Variants in TMEM59L observed in about 807,000 individuals in gnomAD.
The protein encoded by TMEM59L is transmembrane protein 59 like.
TMEM59L carries 31 observed loss-of-function variants against 39.6 expected under a neutral mutation model. The ratio of observed to expected loss-of-function variants is 0.78; its 90% confidence interval spans 0.59 to 1.06. The LOEUF (loss-of-function observed/expected upper bound fraction) is 1.06. TMEM59L is among the 50% of genes least tolerant of loss of function. The pLI is 0.00. For missense variants in TMEM59L, 441 were observed against 451.3 expected (o/e 0.98, Z 0.21); for synonymous variants, 219 against 202.9 (o/e 1.08, Z -0.68).
In TMEM59L at chr19:18,620,884, G is replaced by C. The variant is rs1976490754; in HGVS notation, c.*348G>C. On this transcript the variant is annotated 3_prime_UTR_variant, in exon 8 of 8. Transcript: ENST00000262817. The stretch of plus-strand genomic sequence containing the variant: ...CTGCGGGGGGGGCGCTGAGGCTGAG[G>C]GGGAGCTGCGTCTTGCTAGGGCTTC... 1.1e-5 allele frequency: 2 copies of C among 175,896 alleles called. No individual in the cohort carries two copies. The highest frequency in any genetic ancestry group is 2.4e-5 in the African/African-American group (1 of 42,464). 10.9% of individuals were successfully genotyped at this position (175,896 alleles called of 1,614,324 possible). A position where few individuals can be genotyped will look rare whatever the true frequency, so the allele number is the denominator to read the frequency against.
Position 18,617,327 on chromosome 19 carries a change from C to T in TMEM59L, c.664+225C>T, listed in dbSNP as rs1309769391. The T allele has an allele frequency of 6.2e-6, 4 of 645,946 alleles. No homozygotes were observed. The African/African-American group carries it at 7.2e-5, about 12-fold the overall frequency. The allele number at this position is 645,946 out of a possible 1,614,324, so 40.0% of individuals were successfully genotyped here. On this transcript the variant is annotated intron_variant, in intron 5 of 7. Transcript: ENST00000262817. ...GTTCCGTGGTCTACTTCCCAGGGTT[C>T]CGTGGTCCATCTCCCCGGGTTCCAT... is the stretch of plus-strand genomic sequence containing the variant.
intron 4 of TMEM59L, 126 bp from the exon 5 acceptor site, chr19:18,616,874 C>T: frequency 1.4e-6 from 1 of 715,428 alleles, no homozygotes; most frequent in Non-Finnish European, 2.4e-6. Context: ...GACATCAAGC[C>T]CACCCCTGAT....
chr19:18,613,513 C>T (rs1479861476), intron 1 of TMEM59L, among the ~76,000 whole-genome samples: 1 of 151,750 alleles, frequency 6.6e-6, no homozygotes. Context: ...TACCACCACT[C>T]CCCAGGATTC....
chr19:18,616,190 A>G, intron 4 of TMEM59L, 63 bp downstream of exon 4: 1 of 1,595,138 alleles, frequency 6.3e-7, no homozygotes, highest in South Asian at 1.1e-5. Flanking sequence ...AGAAGATGGG[A>G]TGCATTGGCT....
At position 18,612,899 on chromosome 19, in the gene TMEM59L, T is replaced by C; in HGVS notation, c.-60T>C. The C allele has an allele frequency of 8.0e-7, 1 of 1,246,822 alleles. No homozygotes were observed. The highest frequency in any genetic ancestry group is 3.3e-5 in the South Asian group (1 of 30,346). The allele number at this position is 1,246,822 out of a possible 1,614,324, so 77.2% of individuals were successfully genotyped here. On this transcript the variant is annotated 5_prime_UTR_variant, in exon 1 of 8. Transcript: ENST00000262817. The surrounding 1 kb of genome is among the most constrained non-coding windows in gnomAD (Gnocchi z 6.2). ...GCGCCCCGGTCCCCGCCGCAGCCGCTGCATCCTCCGTGCCCGGCCTGAGCT... is the reference window on the plus strand; with the variant it reads ...GCGCCCCGGTCCCCGCCGCAGCCGCCGCATCCTCCGTGCCCGGCCTGAGCT...
chr19:18,613,807 C>G, intron 1 of TMEM59L, 65 bp from the exon 2 acceptor site: 1 of 1,321,522 alleles, frequency 7.6e-7, no homozygotes, highest in Admixed American at 1.8e-5. Flanking sequence ...GCTGAATGCT[C>G]CGGTCCCCCC....
intron 1 of TMEM59L, among the ~76,000 whole-genome samples, 161 bp downstream of exon 1, chr19:18,613,290 G>C (rs908738950): frequency 8.5e-5 from 13 of 152,130 alleles, no homozygotes; most frequent in African/African-American, 3.1e-4. Flanking sequence ...AGTAGTTGAC[G>C]GGCTGGGGTT....
chr19:18,617,308 T>C, intron 5 of TMEM59L: 1 of 666,442 alleles, frequency 1.5e-6, no homozygotes, highest in Non-Finnish European at 2.8e-6. Flanking sequence ...CAGGGTTCCG[T>C]GGTCTACTTC....
In TMEM59L at chr19:18,620,755, C is replaced by T. The variant is rs749274851; in HGVS notation, c.*219C>T. 45 of 528,052 alleles carry T rather than the reference C, an allele frequency of 8.5e-5. No individual in the cohort carries two copies. The highest frequency in any genetic ancestry group is 1.2e-4 in the Non-Finnish European group (40 of 322,862). 32.7% of individuals were successfully genotyped at this position (528,052 alleles called of 1,614,324 possible). A position where few individuals can be genotyped will look rare whatever the true frequency, so the allele number is the denominator to read the frequency against. On this transcript the variant is annotated 3_prime_UTR_variant, in exon 8 of 8. Coordinates refer to ENST00000262817, the MANE Select transcript of TMEM59L (RefSeq NM_012109.3). ...TCGGGCACTGGTTCCTCCTTGTCCCCGCTTTCTTGGGGGCTTGCTACTTTT... is the reference window on the plus strand; with the variant it reads ...TCGGGCACTGGTTCCTCCTTGTCCCTGCTTTCTTGGGGGCTTGCTACTTTT...
At position 18,620,827 on chromosome 19, in the gene TMEM59L, G is replaced by A; in HGVS notation, c.*291G>A. 1 of 254,448 alleles carries A rather than the reference G, an allele frequency of 3.9e-6. No individual in the cohort carries two copies. Among genetic ancestry groups the A allele is most frequent in the South Asian group, 1.0e-4 (1 of 9,840 alleles). The allele number at this position is 254,448 out of a possible 1,614,324, so 15.8% of individuals were successfully genotyped here. On this transcript the variant is annotated 3_prime_UTR_variant, in exon 8 of 8. Coordinates refer to ENST00000262817, the MANE Select transcript of TMEM59L (RefSeq NM_012109.3). Reference sequence around the variant, plus strand: ...CTGAGTATTTGAACCCCAGTCCTGTGTCACCTTCCTTTTTCCTTCTATGTC... The same window carrying A: ...CTGAGTATTTGAACCCCAGTCCTGTATCACCTTCCTTTTTCCTTCTATGTC...
At chr19:18,613,243 G>T (rs1976389805) in intron 1 of TMEM59L, 114 bp downstream of exon 1, 1 of 1,088,468 alleles carries the variant, frequency 9.2e-7, no homozygotes, top group Non-Finnish European at 1.2e-6. Context: ...GGGGGTGTCC[G>T]TGGGGAGGTG....
At position 18,615,929 on chromosome 19, in the gene TMEM59L, G is replaced by T. The variant is rs752778859; in HGVS notation, c.409-46G>T. 6.9e-6 allele frequency: 11 copies of T among 1,599,582 alleles called. No individual in the cohort carries two copies. In the East Asian group the frequency reaches 1.8e-4, roughly 26 times the overall value. On this transcript the variant is annotated intron_variant, in intron 3 of 7. Transcript: ENST00000262817. ...TGCCCCCTCCCATTCATTGGTTAATGCCCTATTTCGGTGCCATCTTTGTGT... is the reference window on the plus strand; with the variant it reads ...TGCCCCCTCCCATTCATTGGTTAATTCCCTATTTCGGTGCCATCTTTGTGT...
chr19:18,613,904 T>C lies in TMEM59L; in HGVS notation c.204T>C (p.Tyr68=). Residue 68 remains tyrosine, a synonymous_variant, in exon 2 of 8, where the codon TAT becomes TAC. Coordinates refer to ENST00000262817, the MANE Select transcript of TMEM59L (RefSeq NM_012109.3). ...TGGAGGGCGCCTCCGAGTCTCCCTA[T>C]GACAGAGCCGTTCTGATCAGCGCTT... The part of the protein sequence containing the change: ...AGLEGASESP[Y]DRAVLISACE... The C allele has an allele frequency of 1.2e-6, 2 of 1,611,332 alleles. No individual in the cohort carries two copies. Among genetic ancestry groups the C allele is most frequent in the Non-Finnish European group, 1.7e-6 (2 of 1,179,144 alleles).
At chr19:18,617,729 A>C (rs1976446966) in intron 5 of TMEM59L, 1 of 417,226 alleles carries the variant, frequency 2.4e-6, no homozygotes, top group Non-Finnish European at 4.6e-6. Context: ...CCAGGGTTCC[A>C]TGGTCCATTT....
chr19:18,617,590 A>T, intron 5 of TMEM59L: 1 of 449,198 alleles, frequency 2.2e-6, no homozygotes, highest in Non-Finnish European at 4.4e-6. Context: ...TCCTAGGGTC[A>T]TCTCCTAGGG....
In TMEM59L at chr19:18,613,989, A is replaced by G. The variant is rs1298953729; in HGVS notation, c.289A>G (p.Asn97Asp). Residue 97 changes from asparagine to aspartate, a missense_variant, in exon 2 of 8, where the codon AAT (asparagine) becomes GAT (aspartate). Transcript: ENST00000262817. ...ATTTGTGGCCAGAAGCTCCAAGCCC[A>G]ATGCCACCCAAACTGAGTGTGAAGC... ...CRFVARSSKP[N>D]ATQTECEAAC... 9.9e-6 allele frequency: 16 copies of G among 1,613,396 alleles called. No homozygotes were observed. Among genetic ancestry groups the G allele is most frequent in the Non-Finnish European group, 1.4e-5 (16 of 1,180,018 alleles).
Position 18,613,987 on chromosome 19 carries a change from C to T in TMEM59L, c.287C>T (p.Pro96Leu). Residue 96 changes from proline to leucine, a missense_variant, in exon 2 of 8, where the codon CCC becomes CTC. Transcript: ENST00000262817. ...CGATTTGTGGCCAGAAGCTCCAAGC[C>T]CAATGCCACCCAAACTGAGTGTGAA... ...ICRFVARSSK[P>L]NATQTECEAA... The T allele has an allele frequency of 6.2e-7, 1 of 1,613,410 alleles. No individual in the cohort carries two copies. Among genetic ancestry groups the T allele is most frequent in the Non-Finnish European group, 8.5e-7 (1 of 1,180,030 alleles).
intron 4 of TMEM59L, 135 bp downstream of exon 4, chr19:18,616,262 C>T (rs1335908746): frequency 3.0e-6 from 3 of 996,808 alleles, no homozygotes; most frequent in South Asian, 1.6e-5. Flanking sequence ...GATCCAGGGG[C>T]TCAGTGTCTC....
chr19:18,616,593 A>G (rs1976430779), intron 4 of TMEM59L, among the ~76,000 whole-genome samples: 1 of 152,056 alleles, frequency 6.6e-6, no homozygotes, highest in African/African-American at 2.4e-5. Flanking sequence ...GGGTTTCGCC[A>G]TGTTGGCCAG....
Sources: allele counts gnomAD v4.1 joint callset (sites outside exome capture counted in the v4.1 genomes callset), GRCh38; gene constraint gnomAD v4.1.1; non-coding constraint Gnocchi (gnomAD v3.1); transcripts MANE v1.5; gene names NCBI Gene and HGNC (gene_info 2026-07-23, HGNC 2026-07-21).